Variants in RNASEH2A observed in about 807,000 individuals in gnomAD.
RNASEH2A encodes ribonuclease H2 subunit A.
Under a neutral mutation model 32.7 loss-of-function variants are expected in RNASEH2A, and 30 were observed. The ratio of observed to expected loss-of-function variants is 0.92; its 90% confidence interval spans 0.69 to 1.25. The LOEUF (loss-of-function observed/expected upper bound fraction) is 1.25, where lower values mean the gene tolerates loss of function less well. RNASEH2A is among the 50% of genes most tolerant of loss of function. RNASEH2A has a pLI of 0.00. For missense variants in RNASEH2A, 409 were observed against 398.1 expected (o/e 1.03, Z -0.23); for synonymous variants, 147 against 165.4 (o/e 0.89, Z 0.86).
Position 12,810,857 on chromosome 19 carries a change from C to T in RNASEH2A, c.637+453C>T, listed in dbSNP as rs182808558. ...TTTTTTGTTTTTATAGAGATGGGGT[C>T]TTGTCATGTTGCCCAGGCTGGTCTC... On this transcript the variant is annotated intron_variant, in intron 6 of 7. Coordinates refer to ENST00000221486, the MANE Select transcript of RNASEH2A (RefSeq NM_006397.3). Among the ~76,000 whole-genome samples, 127 of 151,738 alleles carry T rather than the reference C, an allele frequency of 8.4e-4. 2 individuals carry two copies. The East Asian group carries it at 0.02, about 24-fold the overall frequency.
rs368971862 is a variant in RNASEH2A at position 12,809,203 on chromosome 19, T to C, written c.412-868T>C. On this transcript the variant is annotated intron_variant, in intron 4 of 7. Transcript: ENST00000221486. The stretch of plus-strand genomic sequence containing the variant: ...GCCTGACCAACATGGTGAAACCCCA[T>C]CTCTACTAAAAATAAAAAATAAAAA... 3.9e-5 allele frequency among the ~76,000 whole-genome samples: 6 copies of C among 152,098 alleles called. No individual in the cohort carries two copies. The East Asian group carries it at 7.7e-4, about 19-fold the overall frequency.
intron 4 of RNASEH2A, chr19:12,807,907 G>T (rs1047381789): frequency 3.3e-6 from 1 of 302,778 alleles, no homozygotes; most frequent in Non-Finnish European, 6.5e-6. Flanking sequence ...ACTCCAACCC[G>T]GGCAACAGAG....
Position 12,807,296 on chromosome 19 carries a change from C to T in RNASEH2A, c.290C>T (p.Ser97Phe), listed in dbSNP as rs1457758264. The change falls in exon 3 of 8, where the codon TCT (serine) becomes TTT (phenylalanine). Residue 97 changes from serine (S) to phenylalanine (F), a missense_variant. Physicochemically the swap from Ser to Phe is radical, Grantham distance 155. Transcript: ENST00000221486. Reference sequence around the variant, plus strand: ...GTCGGCTGGGCGCTGGATGTGCTGTCTCCAAACCTCATCTCTACCAGCATG... The same window carrying T: ...GTCGGCTGGGCGCTGGATGTGCTGTTTCCAAACCTCATCTCTACCAGCATG... ...DFVGWALDVLSPNLISTSMLG... is the reference protein window; with the variant it reads ...DFVGWALDVLFPNLISTSMLG... 6.2e-7 allele frequency: 1 copy of T among 1,614,174 alleles called. No individual in the cohort carries two copies. Among genetic ancestry groups the T allele is most frequent in the Non-Finnish European group, 8.5e-7 (1 of 1,180,042 alleles).
intron 6 of RNASEH2A, among the ~76,000 whole-genome samples, chr19:12,812,067 A>G (rs188270124): frequency 1.6e-4 from 25 of 151,918 alleles, no homozygotes; most frequent in Non-Finnish European, 3.4e-4. Flanking sequence ...ACAAGACCCC[A>G]TCTCTACAAA....
chr19:12,810,351 T>C lies in RNASEH2A; in HGVS notation c.584T>C (p.Phe195Ser), dbSNP rs773609935. Residue 195 changes from phenylalanine to serine, a missense_variant, in exon 6 of 8, where the codon TTC (phenylalanine) becomes TCC (serine). By Grantham distance (155) the Phe-to-Ser change is radical (BLOSUM62 -2). Transcript: ENST00000221486. ...ARDQAVKKWQ[F>S]VEKLQDLDTD... ...GACCAGGCCGTGAAGAAATGGCAGTTCGTGGAGAAACTGCAGGACTTGGAT... is the reference window on the plus strand; with the variant it reads ...GACCAGGCCGTGAAGAAATGGCAGTCCGTGGAGAAACTGCAGGACTTGGAT... 6.2e-7 allele frequency: 1 copy of C among 1,614,130 alleles called. No homozygotes were observed. Among genetic ancestry groups the C allele is most frequent in the Admixed American group, 1.7e-5 (1 of 60,004 alleles).
In RNASEH2A at chr19:12,812,992, G is replaced by A. The variant is rs113168000; in HGVS notation, c.638-91G>A. The A allele has an allele frequency of 0.039, 61,712 of 1,570,468 alleles. 1,856 individuals are homozygous for A. Among genetic ancestry groups the A allele is most frequent in the African/African-American group, 0.15 (10,805 of 73,842 alleles). ...TGCACTCCAGCCTGGCTACAGAGTG[G>A]GACTCCATCTCAAAGAAAAAAAAAA... On this transcript the variant is annotated intron_variant, in intron 6 of 7. Coordinates refer to ENST00000221486, the MANE Select transcript of RNASEH2A (RefSeq NM_006397.3).
intron 4 of RNASEH2A, chr19:12,807,800 C>T (rs1295246371): frequency 5.1e-6 from 2 of 395,496 alleles, no homozygotes; most frequent in Admixed American, 3.6e-5. Flanking sequence ...GACGTGGTGG[C>T]AGGCGCCTGT....
At chr19:12,811,373 G>C (rs943496266) in intron 6 of RNASEH2A, among the ~76,000 whole-genome samples, 1 of 151,978 alleles carries the variant, frequency 6.6e-6, no homozygotes, top group Non-Finnish European at 1.5e-5. Context: ...ACTTTGGGAA[G>C]CTGAGGTAGG....
At chr19:12,812,714 A>G (rs1002475598) in intron 6 of RNASEH2A, among the ~76,000 whole-genome samples, 1 of 151,854 alleles carries the variant, frequency 6.6e-6, no homozygotes, top group Non-Finnish European at 1.5e-5. Context: ...GCCTTAGAAG[A>G]GCGGCAAGGA....
intron 7 of RNASEH2A, 26 bp from the exon 8 acceptor site, chr19:12,813,302 T>A (rs1172053609): frequency 1.2e-6 from 2 of 1,613,926 alleles, no homozygotes; most frequent in Admixed American, 3.3e-5. Context: ...GTGTAAGTGG[T>A]CACTGTCATC....
chr19:12,807,387 T>A (rs747446806), intron 3 of RNASEH2A, 32 bp from the exon 4 acceptor site: 3 of 1,610,486 alleles, frequency 1.9e-6, no homozygotes, highest in Non-Finnish European at 2.5e-6. Context: ...GTTCCTAGAA[T>A]GAGATTAACT....
At position 12,806,995 on chromosome 19, in the gene RNASEH2A, C is replaced by G. The variant is rs201345414; in HGVS notation, c.128-13C>G. 1 of 1,613,188 alleles carries G rather than the reference C, an allele frequency of 6.2e-7. No individual in the cohort carries two copies. The highest frequency in any genetic ancestry group is 2.2e-5 in the East Asian group (1 of 44,882). On this transcript the variant is annotated splice_polypyrimidine_tract_variant and intron_variant, in intron 1 of 7. Coordinates refer to ENST00000221486, the MANE Select transcript of RNASEH2A (RefSeq NM_006397.3). Reference sequence around the variant, plus strand: ...ACCCCGGCTGCCAGAAAACTGACACCCCTTCTCCCCAGGCCCCATGGTCTA... The same window carrying G: ...ACCCCGGCTGCCAGAAAACTGACACGCCTTCTCCCCAGGCCCCATGGTCTA...
At chr19:12,807,871 G>T in intron 4 of RNASEH2A, 1 of 343,850 alleles carries the variant, frequency 2.9e-6, no homozygotes, top group South Asian at 2.4e-5. Context: ...GGCAGAAGTT[G>T]CAGTGAGCCA....
chr19:12,810,490 A>G, intron 6 of RNASEH2A, 86 bp downstream of exon 6: 2 of 1,150,928 alleles, frequency 1.7e-6, no homozygotes, highest in Non-Finnish European at 2.6e-6. Context: ...CCTTTCTGTC[A>G]TTTATCATTT....
chr19:12,809,711 G>A lies in RNASEH2A; in HGVS notation c.412-360G>A, dbSNP rs551688921. 3.0e-4 allele frequency among the ~76,000 whole-genome samples: 45 copies of A among 151,880 alleles called. 1 individual carries two copies. In the South Asian group the frequency reaches 9.1e-3, roughly 31 times the overall value. On this transcript the variant is annotated intron_variant, in intron 4 of 7. Transcript: ENST00000221486. Reference sequence around the variant, plus strand: ...GTGGCATGCAGTAGGTGCTAAATAAGTTAGAGTAAAAGCAGCGTGATAGAG... The same window carrying A: ...GTGGCATGCAGTAGGTGCTAAATAAATTAGAGTAAAAGCAGCGTGATAGAG...
chr19:12,807,165 G>A (rs759862893), intron 2 of RNASEH2A, 41 bp from the exon 3 acceptor site: 3 of 1,614,134 alleles, frequency 1.9e-6, no homozygotes, highest in Admixed American at 3.3e-5. Flanking sequence ...CAGGAACTGG[G>A]AGAACCAGCT....
Position 12,806,596 on chromosome 19 carries a change from G to C in RNASEH2A, c.-78G>C, listed in dbSNP as rs570451281. On this transcript the variant is annotated 5_prime_UTR_variant, in exon 1 of 8. Coordinates refer to ENST00000221486, the MANE Select transcript of RNASEH2A (RefSeq NM_006397.3). ...ATTGGCCGGAAGCAGGCGCCGCTTCGAGGCCCGCGGAAAACGCGCGCCGAG... is the reference window on the plus strand; with the variant it reads ...ATTGGCCGGAAGCAGGCGCCGCTTCCAGGCCCGCGGAAAACGCGCGCCGAG... 14 of 1,543,952 alleles carry C rather than the reference G, an allele frequency of 9.1e-6. No individual in the cohort carries two copies. The South Asian group carries it at 1.4e-4, about 16-fold the overall frequency.
chr19:12,812,251 G>A (rs1044092213), intron 6 of RNASEH2A, among the ~76,000 whole-genome samples: 1 of 152,000 alleles, frequency 6.6e-6, no homozygotes, highest in Non-Finnish European at 1.5e-5. Context: ...TAAAAAGGCT[G>A]GGTGTGGTGT....
intron 4 of RNASEH2A, chr19:12,807,838 A>G (rs1969018415): frequency 2.7e-6 from 1 of 365,838 alleles, no homozygotes; most frequent in Non-Finnish European, 5.3e-6. Context: ...AGGCTGAGAC[A>G]GGAGAATCGC....
Sources: gnomAD v4.1 joint callset for allele counts (sites outside exome capture counted in the v4.1 genomes callset) on GRCh38, gnomAD v4.1.1 for gene constraint, MANE v1.5 for transcripts, NCBI Gene and HGNC (gene_info 2026-07-23, HGNC 2026-07-21) for gene names.